FGF6: variants seen among roughly 807,000 people sequenced by gnomAD.
The protein encoded by FGF6 is fibroblast growth factor 6, also known as FGF-6.
Under a neutral mutation model 18.4 loss-of-function variants are expected in FGF6, and 14 were observed. That is an observed-to-expected ratio of 0.76 (90% CI 0.50 to 1.19). The LOEUF (loss-of-function observed/expected upper bound fraction) is 1.19. Ranked by LOEUF, FGF6 falls within the 50% of genes most tolerant of loss-of-function variation. The pLI is 0.00. For missense variants in FGF6, 266 were observed against 271.6 expected, an observed-to-expected ratio of 0.98 and a Z score of 0.15; for synonymous variants, 125 against 116.7, an observed-to-expected ratio of 1.07 and a Z score of -0.46.
At position 4,445,320 on chromosome 12, in the gene FGF6, C is replaced by G; in HGVS notation, c.251G>C (p.Arg84Pro). The G allele has an allele frequency of 6.2e-7, 1 of 1,614,062 alleles. No homozygotes were observed. Among genetic ancestry groups the G allele is most frequent in the Non-Finnish European group, 8.5e-7 (1 of 1,180,030 alleles). ...CACGTTGCAGTAGAGCCTCCGCTGCCGCTTGATCCCCACCAAATAGCCACT... is the reference window on the plus strand; with the variant it reads ...CACGTTGCAGTAGAGCCTCCGCTGCGGCTTGATCCCCACCAAATAGCCACT... Reference protein sequence around the residue: ...WESGYLVGIKRQRRLYCNVGI... With the variant: ...WESGYLVGIKPQRRLYCNVGI... Residue 84 changes from arginine to proline, a missense_variant, in exon 1 of 3, where the codon CGG becomes CCG. Coordinates refer to ENST00000228837, the MANE Select transcript of FGF6 (RefSeq NM_020996.3). The surrounding 1 kb of genome is among the most constrained non-coding windows in gnomAD (Gnocchi z 5.5).
At chr12:4,438,925 A>G (rs1274084581) in intron 2 of FGF6, among the ~76,000 whole-genome samples, 4 of 152,144 alleles carry the variant, frequency 2.6e-5, no homozygotes, top group Non-Finnish European at 5.9e-5. Context: ...GTGTTGGCAT[A>G]GTACGCTCTT....
chr12:4,437,820 G>T (rs938358146), intron 2 of FGF6, among the ~76,000 whole-genome samples: 1 of 151,492 alleles, frequency 6.6e-6, no homozygotes, highest in Non-Finnish European at 1.5e-5. Context: ...AAATTCCAAA[G>T]GGAGTAAAGA....
chr12:4,444,780 C>T (rs773721234), intron 1 of FGF6, among the ~76,000 whole-genome samples: 75 of 152,034 alleles, frequency 4.9e-4, no homozygotes, highest in Non-Finnish European at 1.0e-4. Context: ...CAGAGGGAGC[C>T]GCTGAAATAA....
At chr12:4,442,026 C>T (rs889503318) in intron 2 of FGF6, among the ~76,000 whole-genome samples, 1 of 151,464 alleles carries the variant, frequency 6.6e-6, no homozygotes, top group Non-Finnish European at 1.5e-5. Flanking sequence ...ATCTCCCTCC[C>T]TGGAGAAGAT....
chr12:4,441,395 A>G (rs1865689177), intron 2 of FGF6, among the ~76,000 whole-genome samples: 1 of 152,212 alleles, frequency 6.6e-6, no homozygotes, highest in African/African-American at 2.4e-5. Flanking sequence ...GGGTGTCCGC[A>G]GCTGCACAGG....
chr12:4,444,720 T>C (rs898813675), intron 1 of FGF6, among the ~76,000 whole-genome samples: 1 of 152,132 alleles, frequency 6.6e-6, no homozygotes. Flanking sequence ...AGACTAACCA[T>C]ACAGCAAGCT....
At chr12:4,435,446 C>T (rs1198691016) in intron 2 of FGF6, among the ~76,000 whole-genome samples, 1 of 152,118 alleles carries the variant, frequency 6.6e-6, no homozygotes, top group Non-Finnish European at 1.5e-5. Flanking sequence ...CCCAAACCGT[C>T]CCCCCATGTC....
chr12:4,441,591 CAT>C (rs1302933706), intron 2 of FGF6, among the ~76,000 whole-genome samples: 3 of 152,158 alleles, frequency 2.0e-5, no homozygotes, highest in Non-Finnish European at 2.9e-5. Flanking sequence ...AGGAGACAGA[CAT>C]GTGTGAAGCC....
At chr12:4,441,385 G>A (rs749670059) in intron 2 of FGF6, among the ~76,000 whole-genome samples, 39 of 152,322 alleles carry the variant, frequency 2.6e-4, no homozygotes, top group Non-Finnish European at 5.0e-4. Flanking sequence ...CCTGGAGACC[G>A]GGTGTCCGCA....
chr12:4,434,268 C>T lies in FGF6; in HGVS notation c.574G>A (p.Gly192Ser), dbSNP rs868450985. The T allele has an allele frequency of 1.9e-6, 3 of 1,614,196 alleles. No homozygotes were observed. Among genetic ancestry groups the T allele is most frequent in the Middle Eastern group, 3.3e-4 (2 of 6,056 alleles). ...ALSKYGRVKR[G>S]SKVSPIMTVT... Reference sequence around the variant, plus strand: ...GTCATGATCGGGGACACCTTGCTGCCCCGCTTTACCCGTCCGTATTTGCTC... The same window carrying T: ...GTCATGATCGGGGACACCTTGCTGCTCCGCTTTACCCGTCCGTATTTGCTC... Residue 192 changes from glycine to serine, a missense_variant, in exon 3 of 3, where the codon GGC becomes AGC. Transcript: ENST00000228837.
intron 2 of FGF6, among the ~76,000 whole-genome samples, chr12:4,441,333 C>T (rs542608660): frequency 6.6e-6 from 1 of 152,276 alleles, no homozygotes; most frequent in African/African-American, 2.4e-5. Context: ...GGTCGCGGAG[C>T]CCTGAGACGG....
intron 2 of FGF6, among the ~76,000 whole-genome samples, chr12:4,438,788 C>T (rs1591691063): frequency 8.6e-6 from 1 of 116,448 alleles, no homozygotes; most frequent in African/African-American, 3.2e-5. Flanking sequence ...AGAGGAGTAA[C>T]TAACTCAATT....
At chr12:4,444,546 C>G (rs1218907899) in intron 1 of FGF6, among the ~76,000 whole-genome samples, 1 of 152,168 alleles carries the variant, frequency 6.6e-6, no homozygotes, top group African/African-American at 2.4e-5. Context: ...TACTTGAGGT[C>G]CTTGACTTGA....
intron 2 of FGF6, 45 bp downstream of exon 2, chr12:4,444,088 A>G: frequency 8.0e-7 from 1 of 1,256,122 alleles, no homozygotes. Flanking sequence ...CTGTGTAAGC[A>G]TCAAGCCTTG....
chr12:4,445,233 T>C lies in FGF6; in HGVS notation c.338A>G (p.Asn113Ser), dbSNP rs1245390500. The part of the protein sequence containing the change: ...DGRISGTHEE[N>S]PYSLLEISTV... ...CTGCAGCTGGCACTCACTGTAGGGG[T>C]TCTCCTCGTGGGTCCCGCTGATCCG... is the stretch of plus-strand genomic sequence containing the variant. Residue 113 changes from asparagine to serine, a missense_variant, in exon 1 of 3, where the codon AAC (asparagine) becomes AGC (serine). Coordinates refer to ENST00000228837, the MANE Select transcript of FGF6 (RefSeq NM_020996.3). The surrounding 1 kb of genome is among the most constrained non-coding windows in gnomAD (Gnocchi z 5.5). The C allele has an allele frequency of 6.2e-7, 1 of 1,608,230 alleles. No individual in the cohort carries two copies.
chr12:4,436,371 G>C (rs1032740557), intron 2 of FGF6, among the ~76,000 whole-genome samples: 2 of 151,902 alleles, frequency 1.3e-5, no homozygotes, highest in Non-Finnish European at 2.9e-5. Flanking sequence ...CTGTAATCCA[G>C]TACTTTGGGA....
intron 2 of FGF6, among the ~76,000 whole-genome samples, chr12:4,436,982 C>G (rs1358364680): frequency 6.6e-6 from 1 of 152,156 alleles, no homozygotes; most frequent in African/African-American, 2.4e-5. Context: ...AAAGGATGAA[C>G]TAATCAATGT....
At chr12:4,444,375 C>T (rs1591693561) in intron 1 of FGF6, 139 bp from the exon 2 acceptor site, 2 of 613,398 alleles carry the variant, frequency 3.3e-6, no homozygotes, top group Non-Finnish European at 5.8e-6. Flanking sequence ...ATCCCTCTAA[C>T]TCTAGGAGAC....
chr12:4,441,478 A>T (rs1489188204), intron 2 of FGF6, among the ~76,000 whole-genome samples: 1 of 152,122 alleles, frequency 6.6e-6, no homozygotes, highest in East Asian at 1.9e-4. Flanking sequence ...CAGCCTGTGA[A>T]TCCGAGCACA....
Sources: gnomAD v4.1 joint callset for allele counts (sites outside exome capture counted in the v4.1 genomes callset) on GRCh38, gnomAD v4.1.1 for gene constraint, Gnocchi (gnomAD v3.1) non-coding constraint, MANE v1.5 for transcripts, NCBI Gene and HGNC (gene_info 2026-07-23, HGNC 2026-07-21) for gene names.